DRAXIN: variants seen among roughly 807,000 people sequenced by gnomAD.
DRAXIN encodes dorsal inhibitory axon guidance protein.
DRAXIN carries 27 observed loss-of-function variants against 33.9 expected under a neutral mutation model. The ratio of observed to expected loss-of-function variants is 0.80; its 90% CI spans 0.59 to 1.10. The LOEUF (loss-of-function observed/expected upper bound fraction) is 1.10. DRAXIN is among the 50% of genes least tolerant of loss of function. DRAXIN has a pLI of 0.00. For synonymous variants in DRAXIN, 178 were observed against 194.0 expected (o/e 0.92, Z 0.69); for missense variants, 371 against 460.8 (o/e 0.81, Z 1.78).
chr1:11,701,641 G>C (rs919917347), intron 1 of DRAXIN, among the ~76,000 whole-genome samples: 1 of 152,192 alleles, frequency 6.6e-6, no homozygotes, highest in Non-Finnish European at 1.5e-5. Context: ...GGGCTACTCC[G>C]GGCTGCTGAC....
At position 11,720,290 on chromosome 1, in the gene DRAXIN, T is replaced by G. The variant is rs1334699046; in HGVS notation, c.*594T>G. Reference sequence around the variant, plus strand: ...GAACATGCTAAGAGTCACCTGGAGGTCCAGTTAAAAATGTACATCTGGCCG... The same window carrying G: ...GAACATGCTAAGAGTCACCTGGAGGGCCAGTTAAAAATGTACATCTGGCCG... On this transcript the variant is annotated 3_prime_UTR_variant, in exon 7 of 7. Coordinates refer to ENST00000294485, the MANE Select transcript of DRAXIN (RefSeq NM_198545.4). The G allele has an allele frequency of 6.6e-6, 1 of 152,350 alleles. No individual in the cohort carries two copies. The highest frequency in any genetic ancestry group is 1.5e-5 in the Non-Finnish European group (1 of 68,236). 9.4% of individuals were successfully genotyped at this position (152,350 alleles called of 1,614,324 possible).
At chr1:11,699,442 T>C (rs1641238442) in intron 1 of DRAXIN, among the ~76,000 whole-genome samples, 1 of 152,154 alleles carries the variant, frequency 6.6e-6, no homozygotes, top group African/African-American at 2.4e-5. Flanking sequence ...CTAGATTCTG[T>C]GCGACCACTG....
chr1:11,712,312 T>G, intron 4 of DRAXIN, 28 bp from the exon 5 acceptor site: 1 of 1,613,554 alleles, frequency 6.2e-7, no homozygotes, highest in Non-Finnish European at 8.5e-7. Context: ...GGGCCCCAGC[T>G]TCTGACGACA....
rs894525587 is a variant in DRAXIN, at chr1:11,692,810, C to T, written c.-11+957C>T. ...GGTACACTGGGGCTCTGGGAGTGAT[C>T]TCGGACAAAGGAATGCACCTCTCTG... On this transcript the variant is annotated intron_variant, in intron 1 of 6. Transcript: ENST00000294485. The surrounding 1 kb of genome is among the most constrained non-coding windows in gnomAD (Gnocchi z 5.8). Among the ~76,000 whole-genome samples the T allele has an allele frequency of 6.6e-6, 1 of 152,104 alleles. No individual in the cohort carries two copies. The highest frequency in any genetic ancestry group is 2.4e-5 in the African/African-American group (1 of 41,420).
chr1:11,719,192 C>T (rs1641623583), intron 6 of DRAXIN, among the ~76,000 whole-genome samples: 2 of 152,238 alleles, frequency 1.3e-5, no homozygotes, highest in African/African-American at 2.4e-5. Flanking sequence ...GCGTGAGCCA[C>T]CGTGCCCGGC....
intron 6 of DRAXIN, among the ~76,000 whole-genome samples, chr1:11,719,356 T>C (rs1050055937): frequency 1.3e-5 from 2 of 152,224 alleles, no homozygotes; most frequent in African/African-American, 4.8e-5. Flanking sequence ...ACAGAATATG[T>C]TCACCGCCCC....
At chr1:11,693,703 C>T (rs1641141219) in intron 1 of DRAXIN, among the ~76,000 whole-genome samples, 1 of 152,174 alleles carries the variant, frequency 6.6e-6, no homozygotes, top group Non-Finnish European at 1.5e-5. Flanking sequence ...GTGAACCCGG[C>T]CCTTCATACC....
In DRAXIN at chr1:11,725,475, A is replaced by C. The variant is rs1641732774; in HGVS notation, c.*5779A>C. On this transcript the variant is annotated 3_prime_UTR_variant, in exon 7 of 7. Coordinates refer to ENST00000294485, the MANE Select transcript of DRAXIN (RefSeq NM_198545.4). Reference sequence around the variant, plus strand: ...GATCAAATTTGAGAATCACAGGTCTAGGATACGACGGGGAAAACAGAAATG... The same window carrying C: ...GATCAAATTTGAGAATCACAGGTCTCGGATACGACGGGGAAAACAGAAATG... 1 of 152,256 alleles carries C rather than the reference A, an allele frequency of 6.6e-6. No homozygotes were observed. Among genetic ancestry groups the C allele is most frequent in the African/African-American group, 2.4e-5 (1 of 41,464 alleles). 9.4% of individuals were successfully genotyped at this position (152,256 alleles called of 1,614,324 possible). A position where few individuals can be genotyped will look rare whatever the true frequency, so the allele number is the denominator to read the frequency against.
In DRAXIN at chr1:11,721,160, G is replaced by A. The variant is rs1338282246; in HGVS notation, c.*1464G>A. 3 of 152,176 alleles carry A rather than the reference G, an allele frequency of 2.0e-5. No homozygotes were observed. Among genetic ancestry groups the A allele is most frequent in the Non-Finnish European group, 1.5e-5 (1 of 68,042 alleles). 9.4% of individuals were successfully genotyped at this position (152,176 alleles called of 1,614,324 possible). A position where few individuals can be genotyped will look rare whatever the true frequency, so the allele number is the denominator to read the frequency against. ...AAAAAACCCCACACATATTGCCCATGTTTACCCACTTTGCATACTGTTTAG... is the reference window on the plus strand; with the variant it reads ...AAAAAACCCCACACATATTGCCCATATTTACCCACTTTGCATACTGTTTAG... On this transcript the variant is annotated 3_prime_UTR_variant, in exon 7 of 7. Coordinates refer to ENST00000294485, the MANE Select transcript of DRAXIN (RefSeq NM_198545.4).
At chr1:11,719,515 G>C (rs539256798) in intron 6 of DRAXIN, 69 bp from the exon 7 acceptor site, 57 of 1,367,482 alleles carry the variant, frequency 4.2e-5, no homozygotes, top group Admixed American at 2.3e-4. Flanking sequence ...GGCCCCGAGC[G>C]TGCAGGGGAA....
chr1:11,721,080 T>C lies in DRAXIN; in HGVS notation c.*1384T>C, dbSNP rs117243534. On this transcript the variant is annotated 3_prime_UTR_variant, in exon 7 of 7. Coordinates refer to ENST00000294485, the MANE Select transcript of DRAXIN (RefSeq NM_198545.4). ...ATCATCCAGTCCTGGACAGGCACTT[T>C]ACAGTTTTCTGGAGCACTTCCCCCC... 12 of 152,316 alleles carry C rather than the reference T, an allele frequency of 7.9e-5. No individual in the cohort carries two copies. In the East Asian group the frequency reaches 1.9e-3, roughly 24 times the overall value. 9.4% of individuals were successfully genotyped at this position (152,316 alleles called of 1,614,324 possible). A position where few individuals can be genotyped will look rare whatever the true frequency, so the allele number is the denominator to read the frequency against.
rs70983586 is a variant in DRAXIN, at chr1:11,717,828, CA to C, written c.938-1739del. Among the ~76,000 whole-genome samples the C allele has an allele frequency of 2.1e-3, 230 of 109,982 alleles. 1 individual carries two copies. The highest frequency in any genetic ancestry group is 6.4e-3 in the African/African-American group (168 of 26,232). 72.2% of individuals were successfully genotyped at this position (109,982 alleles called of 152,430 possible). ...AGAGACACTGTCTCTACCAAAAATA[CA>C]AAAAAAAAAAAAAAAATTAGCCGGG... On this transcript the variant is annotated intron_variant, in intron 6 of 6. Coordinates refer to ENST00000294485, the MANE Select transcript of DRAXIN (RefSeq NM_198545.4).
At chr1:11,709,581 A>G in intron 3 of DRAXIN, 116 bp downstream of exon 3, 8 of 1,250,794 alleles carry the variant, frequency 6.4e-6, no homozygotes, top group Non-Finnish European at 8.6e-6. Context: ...CACAGAGCTT[A>G]CTTAGATTGA....
At position 11,705,506 on chromosome 1, in the gene DRAXIN, G is replaced by A. The variant is rs1641364354; in HGVS notation, c.-10-743G>A. ...TCCCCCAGGGGAAGGGACAGTGTCA[G>A]AACATTCTGGGGCCTCAGAGCTCAT... On this transcript the variant is annotated intron_variant, in intron 1 of 6. Transcript: ENST00000294485. This position sits in a 1 kb window ranked among gnomAD's most constrained non-coding sequence, Gnocchi z 4.8. Among the ~76,000 whole-genome samples, 1 of 152,124 alleles carries A rather than the reference G, an allele frequency of 6.6e-6. No homozygotes were observed. Among genetic ancestry groups the A allele is most frequent in the Non-Finnish European group, 1.5e-5 (1 of 68,016 alleles).
intron 2 of DRAXIN, among the ~76,000 whole-genome samples, chr1:11,708,561 A>C (rs1641426874): frequency 6.6e-6 from 1 of 152,078 alleles, no homozygotes; most frequent in African/African-American, 2.4e-5. Flanking sequence ...CAGTGAGCCA[A>C]GATTGAGCCC....
At position 11,718,069 on chromosome 1, in the gene DRAXIN, G is replaced by A. The variant is rs555602804; in HGVS notation, c.938-1515G>A. On this transcript the variant is annotated intron_variant, in intron 6 of 6. Transcript: ENST00000294485. ...CTGTAATCCCATCACTTTGGGAGGC[G>A]GAGGTGGGCAGATCACTTGAGGCCA... Among the ~76,000 whole-genome samples the A allele has an allele frequency of 2.5e-4, 37 of 149,580 alleles. 1 individual carries two copies. The East Asian group carries it at 5.7e-3, about 23-fold the overall frequency.
chr1:11,715,015 C>G lies in DRAXIN; in HGVS notation c.848-104C>G, dbSNP rs1570319495. 2.9e-6 allele frequency: 4 copies of G among 1,386,764 alleles called. No homozygotes were observed. The African/African-American group carries it at 4.3e-5, about 15-fold the overall frequency. 85.9% of individuals were successfully genotyped at this position (1,386,764 alleles called of 1,614,324 possible). A position where few individuals can be genotyped will look rare whatever the true frequency, so the allele number is the denominator to read the frequency against. ...GATGGCCCACCCCGCCAGGGCGCGGCCTGCCACAGAGATGATGGATCTCTT... is the reference window on the plus strand; with the variant it reads ...GATGGCCCACCCCGCCAGGGCGCGGGCTGCCACAGAGATGATGGATCTCTT... On this transcript the variant is annotated intron_variant, in intron 5 of 6. Transcript: ENST00000294485.
At position 11,692,342 on chromosome 1, in the gene DRAXIN, C is replaced by A. The variant is rs1267695898; in HGVS notation, c.-11+489C>A. Among the ~76,000 whole-genome samples, 1 of 152,192 alleles carries A rather than the reference C, an allele frequency of 6.6e-6. No homozygotes were observed. Among genetic ancestry groups the A allele is most frequent in the East Asian group, 1.9e-4 (1 of 5,178 alleles). On this transcript the variant is annotated intron_variant, in intron 1 of 6. Transcript: ENST00000294485. This position sits in a 1 kb window ranked among gnomAD's most constrained non-coding sequence, Gnocchi z 5.8. ...CTGAGCCCCGGGCAGAGCTGGCGGG[C>A]GTGCCCTCCAGCCCCTTTCGAGGCC... is the stretch of plus-strand genomic sequence containing the variant.
Position 11,692,375 on chromosome 1 carries a change from A to G in DRAXIN, c.-11+522A>G, listed in dbSNP as rs375599210. On this transcript the variant is annotated intron_variant, in intron 1 of 6. Transcript: ENST00000294485. This position sits in a 1 kb window ranked among gnomAD's most constrained non-coding sequence, Gnocchi z 5.8. Reference sequence around the variant, plus strand: ...CCAGCCCCTTTCGAGGCCGCCCAGGAGGCTGGGGTGTGTGGCCGGGGTCGC... The same window carrying G: ...CCAGCCCCTTTCGAGGCCGCCCAGGGGGCTGGGGTGTGTGGCCGGGGTCGC... Among the ~76,000 whole-genome samples, 6 of 152,092 alleles carry G rather than the reference A, an allele frequency of 3.9e-5. No homozygotes were observed. The highest frequency in any genetic ancestry group is 1.4e-4 in the African/African-American group (6 of 41,418).
Sources: allele counts gnomAD v4.1 joint callset (sites outside exome capture counted in the v4.1 genomes callset), GRCh38; gene constraint gnomAD v4.1.1; non-coding constraint Gnocchi (gnomAD v3.1); transcripts MANE v1.5; gene names NCBI Gene and HGNC (gene_info 2026-07-23, HGNC 2026-07-21).